Variants in LNP1 observed in about 807,000 individuals in gnomAD.
The protein encoded by LNP1 is leukemia NUP98 fusion partner 1.
In LNP1, 12 loss-of-function variants were observed where a neutral mutation model predicts 14.5. The ratio of observed to expected loss-of-function variants is 0.83; its 90% CI spans 0.53 to 1.34. The LOEUF is 1.34. Ranked by LOEUF, LNP1 falls within the 40% of genes most tolerant of loss-of-function variation. The pLI is 0.00. For synonymous variants in LNP1, 75 were observed against 71.4 expected, an observed-to-expected ratio of 1.05 and a Z score of -0.26; for missense variants, 198 against 210.9, an observed-to-expected ratio of 0.94 and a Z score of 0.38.
At chr3:100,455,586 C>G (rs1029024453) in intron 3 of LNP1, among the ~76,000 whole-genome samples, 191 bp from the exon 4 acceptor site, 5 of 152,196 alleles carry the variant, frequency 3.3e-5, no homozygotes, top group Non-Finnish European at 7.3e-5. Flanking sequence ...ATGTCCAACC[C>G]CCTCTATTCT....
chr3:100,435,336 A>C lies in LNP1; in HGVS notation c.156+5451A>C, dbSNP rs543193583. On this transcript the variant is annotated intron_variant, in intron 2 of 3. Coordinates refer to ENST00000383693, the MANE Select transcript of LNP1 (RefSeq NM_001085451.2). Reference sequence around the variant, plus strand: ...CCTCCCGTGTTCTTCATTTACTAGCAGCATAACTCTGAGCAAGCTGCTTGA... The same window carrying C: ...CCTCCCGTGTTCTTCATTTACTAGCCGCATAACTCTGAGCAAGCTGCTTGA... Among the ~76,000 whole-genome samples, 92 of 152,298 alleles carry C rather than the reference A, an allele frequency of 6.0e-4. 1 individual carries two copies. The highest frequency in any genetic ancestry group is 2.1e-3 in the African/African-American group (88 of 41,562).
In LNP1 at chr3:100,409,557, TACACACACAC is replaced by T. The variant is rs35651277; in HGVS notation, c.-34+7144_-34+7153del. Among the ~76,000 whole-genome samples, 1,014 of 126,340 alleles carry T rather than the reference TACACACACAC, an allele frequency of 8.0e-3. 13 individuals are homozygous for T. The highest frequency in any genetic ancestry group is 0.03 in the African/African-American group (979 of 32,994). The allele number at this position is 126,340 out of a possible 152,430, so 82.9% of individuals were successfully genotyped here. On this transcript the variant is annotated intron_variant, in intron 1 of 3. Transcript: ENST00000383693. ...CTCTCTCTCTCTATATATATATACA[TACACACACAC>T]ACACACACACACACACACACACACA...
At chr3:100,410,349 A>G (rs1207928416) in intron 1 of LNP1, among the ~76,000 whole-genome samples, 1 of 146,464 alleles carries the variant, frequency 6.8e-6, no homozygotes, top group Admixed American at 6.9e-5. Context: ...CATTTTGGTG[A>G]GATCTCAGAT....
At chr3:100,445,152 A>T (rs1022292441) in intron 2 of LNP1, among the ~76,000 whole-genome samples, 3 of 152,186 alleles carry the variant, frequency 2.0e-5, no homozygotes, top group African/African-American at 4.8e-5. Flanking sequence ...GGCACCAGTC[A>T]TCTCAGCTAC....
chr3:100,424,627 A>G (rs115258743), intron 1 of LNP1, among the ~76,000 whole-genome samples: 4,361 of 152,340 alleles, frequency 0.029, 84 homozygotes, highest in Non-Finnish European at 0.046. Flanking sequence ...GTTGTTCAGC[A>G]TAAACCACAT....
intron 2 of LNP1, among the ~76,000 whole-genome samples, chr3:100,432,042 A>C (rs1422266266): frequency 1.3e-5 from 1 of 75,356 alleles, no homozygotes; most frequent in Non-Finnish European, 2.6e-5. Flanking sequence ...ATATATATAT[A>C]TATATATATA....
chr3:100,426,848 C>T lies in LNP1; in HGVS notation c.-33-2849C>T, dbSNP rs79155926. 3.3e-3 allele frequency among the ~76,000 whole-genome samples: 501 copies of T among 152,234 alleles called. 1 individual carries two copies. The highest frequency in any genetic ancestry group is 5.6e-3 in the Non-Finnish European group (378 of 68,030). On this transcript the variant is annotated intron_variant, in intron 1 of 3. Coordinates refer to ENST00000383693, the MANE Select transcript of LNP1 (RefSeq NM_001085451.2). Reference sequence around the variant, plus strand: ...AATACTTCTTATAGAGTAGCTTTCCCTAACTGGGGTAATCCCTCAAGCATT... The same window carrying T: ...AATACTTCTTATAGAGTAGCTTTCCTTAACTGGGGTAATCCCTCAAGCATT...
intron 1 of LNP1, among the ~76,000 whole-genome samples, chr3:100,407,094 T>C (rs1298494945): frequency 6.6e-6 from 1 of 152,236 alleles, no homozygotes; most frequent in Non-Finnish European, 1.5e-5. Context: ...AGATACGTGA[T>C]TTACACACCC....
At chr3:100,418,921 T>C (rs1321412775) in intron 1 of LNP1, among the ~76,000 whole-genome samples, 1 of 152,180 alleles carries the variant, frequency 6.6e-6, no homozygotes, top group Non-Finnish European at 1.5e-5. Context: ...CTCAAATTGG[T>C]TCCCTGTGCT....
intron 1 of LNP1, among the ~76,000 whole-genome samples, chr3:100,409,591 C>T (rs71620021): frequency 0.21 from 19,686 of 94,078 alleles, 2,070 homozygotes; most frequent in East Asian, 0.5. Context: ...CACACACACA[C>T]ATATATATAT....
chr3:100,420,275 CTTG>C (rs1017891598), intron 1 of LNP1, among the ~76,000 whole-genome samples: 1 of 152,068 alleles, frequency 6.6e-6, no homozygotes, highest in Non-Finnish European at 1.5e-5. Context: ...GGCTTGTTTT[CTTG>C]TTTTCTTTTC....
chr3:100,455,577 T>C (rs962912940), intron 3 of LNP1, among the ~76,000 whole-genome samples, 200 bp from the exon 4 acceptor site: 3 of 152,252 alleles, frequency 2.0e-5, no homozygotes, highest in Non-Finnish European at 4.4e-5. Context: ...CATCTGCTGA[T>C]GTCCAACCCC....
chr3:100,453,666 G>T (rs1311485827), intron 3 of LNP1, among the ~76,000 whole-genome samples: 1 of 151,556 alleles, frequency 6.6e-6, no homozygotes, highest in Non-Finnish European at 1.5e-5. Context: ...TTAGAGAAAT[G>T]TTGCAAGAAT....
At chr3:100,417,431 C>T (rs1707096400) in intron 1 of LNP1, among the ~76,000 whole-genome samples, 1 of 118,226 alleles carries the variant, frequency 8.5e-6, no homozygotes, top group African/African-American at 3.4e-5. Context: ...GACTGTAGTG[C>T]ACTGGTGCGA....
At chr3:100,446,321 AC>A (rs2148907262) in intron 2 of LNP1, among the ~76,000 whole-genome samples, 1 of 152,346 alleles carries the variant, frequency 6.6e-6, no homozygotes, top group East Asian at 1.9e-4. Context: ...CTGATCTTTG[AC>A]AAATCTGACA....
intron 3 of LNP1, among the ~76,000 whole-genome samples, chr3:100,452,828 C>CTTGATACATAAA (rs1301280558): frequency 6.6e-6 from 1 of 152,156 alleles, no homozygotes; most frequent in Non-Finnish European, 1.5e-5. Context: ...TGATGCTAAA[C>CTTGATACATAAA]TTGATACATA....
At chr3:100,407,759 C>T (rs1299125995) in intron 1 of LNP1, among the ~76,000 whole-genome samples, 1 of 152,114 alleles carries the variant, frequency 6.6e-6, no homozygotes. Flanking sequence ...TCCCATAAAC[C>T]CTATAAAGTT....
At chr3:100,432,212 A>G (rs1183448814) in intron 2 of LNP1, among the ~76,000 whole-genome samples, 1 of 151,378 alleles carries the variant, frequency 6.6e-6, no homozygotes, top group East Asian at 1.9e-4. Context: ...ATCTATAACC[A>G]TCAATATTAC....
chr3:100,411,348 T>C (rs1333775328), intron 1 of LNP1, among the ~76,000 whole-genome samples: 1 of 152,220 alleles, frequency 6.6e-6, no homozygotes, highest in Admixed American at 6.5e-5. Context: ...ATACCTGATT[T>C]AGATGATATT....
Sources: gnomAD v4.1 joint callset for allele counts (sites outside exome capture counted in the v4.1 genomes callset) on GRCh38, gnomAD v4.1.1 for gene constraint, MANE v1.5 for transcripts, NCBI Gene and HGNC (gene_info 2026-07-23, HGNC 2026-07-21) for gene names.